NCOA1: variants seen among roughly 807,000 people sequenced by gnomAD.
The protein encoded by NCOA1 is nuclear receptor coactivator 1.
In NCOA1, 35 loss-of-function variants were observed where a neutral mutation model predicts 150.9. The observed-to-expected ratio is 0.23, with a 90% CI of 0.18 to 0.31. The LOEUF (loss-of-function observed/expected upper bound fraction) is 0.31. Ranked by LOEUF, NCOA1 falls within the 10% of genes least tolerant of loss-of-function variation. NCOA1 has a pLI of 1.00. For synonymous variants in NCOA1, 590 were observed against 630.0 expected, an observed-to-expected ratio of 0.94 and a Z score of 0.95; for missense variants, 1,491 against 1,749.3, an observed-to-expected ratio of 0.85 and a Z score of 2.63.
intron 1 of NCOA1, among the ~76,000 whole-genome samples, chr2:24,540,759 A>G (rs1665359593): frequency 6.6e-6 from 1 of 152,216 alleles, no homozygotes; most frequent in South Asian, 2.1e-4. Context: ...GCACCTGGCC[A>G]GAACTGGCCC....
At chr2:24,693,684 G>A (rs1452616127) in intron 10 of NCOA1, among the ~76,000 whole-genome samples, 2 of 151,922 alleles carry the variant, frequency 1.3e-5, no homozygotes, top group Non-Finnish European at 2.9e-5. Flanking sequence ...TATTTAAATA[G>A]ATATGAATAT....
intron 1 of NCOA1, among the ~76,000 whole-genome samples, chr2:24,520,165 C>T (rs1254488069): frequency 6.6e-6 from 1 of 152,154 alleles, no homozygotes; most frequent in East Asian, 1.9e-4. Flanking sequence ...TAAAACCATA[C>T]ACTACTTTGG....
intron 1 of NCOA1, among the ~76,000 whole-genome samples, chr2:24,544,310 G>C (rs542768075): frequency 6.6e-6 from 1 of 152,270 alleles, no homozygotes; most frequent in South Asian, 2.1e-4. Flanking sequence ...TTAGGAGAGA[G>C]ATTTGGGTTG....
At chr2:24,592,328 A>G (rs1234150252) in intron 3 of NCOA1, among the ~76,000 whole-genome samples, 1 of 152,152 alleles carries the variant, frequency 6.6e-6, no homozygotes, top group Non-Finnish European at 1.5e-5. Flanking sequence ...AGAGAATATT[A>G]TTTGAGTTTA....
chr2:24,492,501 G>A (rs1309011095), intron 1 of NCOA1, among the ~76,000 whole-genome samples: 1 of 152,198 alleles, frequency 6.6e-6, no homozygotes, highest in African/African-American at 2.4e-5. Context: ...GGGAGACGGA[G>A]GGGTTGACAA....
intron 1 of NCOA1, among the ~76,000 whole-genome samples, chr2:24,520,453 A>C (rs879392897): frequency 2.0e-5 from 3 of 152,236 alleles, no homozygotes; most frequent in Non-Finnish European, 4.4e-5. Context: ...ACTTGAATGA[A>C]TATCAAAATA....
intron 19 of NCOA1, among the ~76,000 whole-genome samples, chr2:24,746,323 A>T (rs1663914760): frequency 6.6e-6 from 1 of 152,106 alleles, no homozygotes; most frequent in Non-Finnish European, 1.5e-5. Context: ...CAGGTGGATT[A>T]CCTGAGGTCA....
chr2:24,541,987 TAATATTGAACTAA>T (rs1665418562), intron 1 of NCOA1, among the ~76,000 whole-genome samples: 1 of 152,176 alleles, frequency 6.6e-6, no homozygotes, highest in Non-Finnish European at 1.5e-5. Context: ...ACAAAATCAT[TAATATTGAACTAA>T]AATTAATAAT....
At chr2:24,744,622 A>T (rs1048264473) in intron 19 of NCOA1, among the ~76,000 whole-genome samples, 1 of 152,232 alleles carries the variant, frequency 6.6e-6, no homozygotes, top group African/African-American at 2.4e-5. Context: ...AAATCCAGAT[A>T]AAAAGGCTCT....
intron 3 of NCOA1, 21 bp from the exon 4 acceptor site, chr2:24,643,941 TTTTA>T (rs1670348879): frequency 6.6e-6 from 1 of 152,192 alleles, no homozygotes; most frequent in Admixed American, 6.5e-5. Flanking sequence ...TCCCTTCTGC[TTTTA>T]TTTTTGTCTT....
intron 20 of NCOA1, among the ~76,000 whole-genome samples, chr2:24,754,486 C>T (rs56156698): frequency 1.2e-3 from 190 of 152,286 alleles, no homozygotes; most frequent in African/African-American, 4.2e-3. Context: ...TTTAATCTCT[C>T]TGCTGGAATG....
At chr2:24,699,639 G>C (rs1408341673) in intron 11 of NCOA1, among the ~76,000 whole-genome samples, 1 of 152,102 alleles carries the variant, frequency 6.6e-6, no homozygotes, top group Non-Finnish European at 1.5e-5. Context: ...TGACTGAATC[G>C]AGTGTTTTGG....
At chr2:24,701,506 CAA>C (rs577569400) in intron 11 of NCOA1, among the ~76,000 whole-genome samples, 12 of 78,310 alleles carry the variant, frequency 1.5e-4, no homozygotes, top group Admixed American at 4.4e-4. Context: ...GACACTGTCT[CAA>C]AAAAAAAAAA....
chr2:24,500,240 C>G (rs13403386), intron 1 of NCOA1, among the ~76,000 whole-genome samples: 29,569 of 152,018 alleles, frequency 0.19, 3,025 homozygotes, highest in Non-Finnish European at 0.23. Context: ...TCCCTAGTAG[C>G]TGGGATTACA....
intron 17 of NCOA1, among the ~76,000 whole-genome samples, chr2:24,731,796 T>A (rs1663030392): frequency 6.6e-6 from 1 of 152,170 alleles, no homozygotes; most frequent in African/African-American, 2.4e-5. Context: ...CTTAACAGTT[T>A]CCCCGTGTTT....
At chr2:24,593,980 C>G (rs1178140933) in intron 3 of NCOA1, among the ~76,000 whole-genome samples, 1 of 151,962 alleles carries the variant, frequency 6.6e-6, no homozygotes, top group Non-Finnish European at 1.5e-5. Context: ...AAATAAGGAT[C>G]CAGAAGATAA....
intron 14 of NCOA1, among the ~76,000 whole-genome samples, chr2:24,720,034 A>G (rs967194926): frequency 1.3e-5 from 2 of 152,228 alleles, no homozygotes; most frequent in Non-Finnish European, 2.9e-5. Context: ...ATAAAAAACT[A>G]TGATCTCTGT....
chr2:24,760,707 C>G (rs2148696691), intron 21 of NCOA1, among the ~76,000 whole-genome samples: 1 of 152,268 alleles, frequency 6.6e-6, no homozygotes, highest in African/African-American at 2.4e-5. Flanking sequence ...CTCTCCACCA[C>G]TGGTTCTAAG....
chr2:24,705,338 T>C, intron 12 of NCOA1, 105 bp downstream of exon 12: 1 of 1,220,450 alleles, frequency 8.2e-7, no homozygotes, highest in South Asian at 1.4e-5. Context: ...AATTCTAAAT[T>C]AGGCGTAAAA....
Sources: gnomAD v4.1 joint callset for allele counts (sites outside exome capture counted in the v4.1 genomes callset) on GRCh38, gnomAD v4.1.1 for gene constraint, MANE v1.5 for transcripts, NCBI Gene and HGNC (gene_info 2026-07-23, HGNC 2026-07-21) for gene names.